ATP6V1E2: variants seen among roughly 807,000 people sequenced by gnomAD.
The protein encoded by ATP6V1E2 is ATPase H+ transporting V1 subunit E2.
For synonymous variants in ATP6V1E2, 121 were observed against 104.2 expected, an observed-to-expected ratio of 1.16 and a Z score of -0.98; for missense variants, 308 against 273.3, an observed-to-expected ratio of 1.13 and a Z score of -0.90.
chr2:46,512,704 A>G lies in ATP6V1E2; in HGVS notation c.8T>C (p.Leu3Pro), dbSNP rs757982839. 6.2e-6 allele frequency: 10 copies of G among 1,611,334 alleles called. No homozygotes were observed. In the Admixed American group the frequency reaches 1.7e-4, roughly 27 times the overall value. ...CTGCTTTTTCACATCGACATCACTC[A>G]GGGCCATGGCTGCTCTCAGAGGGGA... MA[L>P]SDVDVKKQIK... is the part of the protein sequence containing the mutation. The change falls in exon 5 of 5, where the codon CTG becomes CCG. Residue 3 changes from leucine (L) to proline (P), a missense_variant. Coordinates refer to ENST00000522587, the MANE Select transcript of ATP6V1E2 (RefSeq NM_001318063.2).
chr2:46,512,354 C>T lies in ATP6V1E2; in HGVS notation c.358G>A (p.Val120Met), dbSNP rs938047645. Reference protein sequence around the residue: ...EVYQGLLDKLVLQGLLRLLEP... With the variant: ...EVYQGLLDKLMLQGLLRLLEP... ...AGCAGTCGGAGCAGACCCTGGAGCA[C>T]CAGTTTATCCAGCAGCCCCTGGTAG... Residue 120 changes from valine to methionine, a missense_variant, in exon 5 of 5, where the codon GTG becomes ATG. Physicochemically the swap from Val to Met is conservative, Grantham distance 21 (BLOSUM62 1). Coordinates refer to ENST00000522587, the MANE Select transcript of ATP6V1E2 (RefSeq NM_001318063.2). The T allele has an allele frequency of 6.2e-7, 1 of 1,613,968 alleles. No individual in the cohort carries two copies. The highest frequency in any genetic ancestry group is 2.2e-5 in the East Asian group (1 of 44,876).
intron 4 of ATP6V1E2, among the ~76,000 whole-genome samples, chr2:46,527,323 G>A (rs1170101963): frequency 2.6e-5 from 4 of 152,118 alleles, no homozygotes; most frequent in Admixed American, 1.3e-4. Flanking sequence ...CCGGGTTCAC[G>A]CCATTCTCCT....
In ATP6V1E2 at chr2:46,512,855, A is replaced by G; in HGVS notation, c.-101-43T>C. ...AGGATGAAAGAGAAAGTCAGAGGCTATAGAGGAGGATTACAGAGACTGTAT... is the reference window on the plus strand; with the variant it reads ...AGGATGAAAGAGAAAGTCAGAGGCTGTAGAGGAGGATTACAGAGACTGTAT... On this transcript the variant is annotated intron_variant, in intron 4 of 4. Transcript: ENST00000522587. The G allele has an allele frequency of 7.1e-6, 5 of 702,488 alleles. No individual in the cohort carries two copies. In the South Asian group the frequency reaches 9.7e-5, roughly 14 times the overall value. 43.5% of individuals were successfully genotyped at this position (702,488 alleles called of 1,614,324 possible).
At position 46,512,072 on chromosome 2, in the gene ATP6V1E2, C is replaced by G; in HGVS notation, c.640G>C (p.Ala214Pro). Reference sequence around the variant, plus strand: ...CTGTTGGTGTTAGCACCAAACAAGGCCATTCGTATTTCTGGCATCTTTTGC... The same window carrying G: ...CTGTTGGTGTTAGCACCAAACAAGGGCATTCGTATTTCTGGCATCTTTTGC... Reference protein sequence around the residue: ...AKQKMPEIRMALFGANTNRKF... With the variant: ...AKQKMPEIRMPLFGANTNRKF... Residue 214 changes from alanine (A) to proline (P), a missense_variant, in exon 5 of 5, where the codon GCC becomes CCC. Coordinates refer to ENST00000522587, the MANE Select transcript of ATP6V1E2 (RefSeq NM_001318063.2). 1.9e-6 allele frequency: 3 copies of G among 1,611,960 alleles called. No homozygotes were observed. Among genetic ancestry groups the G allele is most frequent in the Non-Finnish European group, 2.5e-6 (3 of 1,178,970 alleles).
chr2:46,512,328 C>T lies in ATP6V1E2; in HGVS notation c.384G>A (p.Leu128=), dbSNP rs1379513551. ...KLVLQGLLRL[L]EPVMIVRCRP... ...GGCAGCGTACAATCATCACAGGTTC[C>T]AGCAGTCGGAGCAGACCCTGGAGCA... Residue 128 remains leucine (L), a synonymous_variant, in exon 5 of 5, where the codon CTG becomes CTA. Coordinates refer to ENST00000522587, the MANE Select transcript of ATP6V1E2 (RefSeq NM_001318063.2). 2 of 1,613,000 alleles carry T rather than the reference C, an allele frequency of 1.2e-6. No homozygotes were observed. Among genetic ancestry groups the T allele is most frequent in the African/African-American group, 2.7e-5 (2 of 74,872 alleles).
intron 4 of ATP6V1E2, among the ~76,000 whole-genome samples, chr2:46,518,490 A>ACAACACACACACACAC (rs1471974728): frequency 7.1e-6 from 1 of 140,912 alleles, no homozygotes; most frequent in Non-Finnish European, 1.5e-5. Context: ...ACACACACAC[A>ACAACACACACACACAC]ACACACACAC....
At chr2:46,514,693 T>C (rs1222139922) in intron 4 of ATP6V1E2, among the ~76,000 whole-genome samples, 1 of 152,108 alleles carries the variant, frequency 6.6e-6, no homozygotes, top group Non-Finnish European at 1.5e-5. Context: ...ATATGCATTA[T>C]GGGAGTCTCA....
In ATP6V1E2 at chr2:46,536,652, C is replaced by A. The variant is rs1572720377; in HGVS notation, c.-258G>T. 1 of 152,236 alleles carries A rather than the reference C, an allele frequency of 6.6e-6. No homozygotes were observed. The allele number at this position is 152,236 out of a possible 1,614,324, so 9.4% of individuals were successfully genotyped here. A position where few individuals can be genotyped will look rare whatever the true frequency, so the allele number is the denominator to read the frequency against. ...GATGGTTCACAGAGGGAGAAGAATA[C>A]AGGCCAAAATTAGGGATTCAGTCAG... On this transcript the variant is annotated 5_prime_UTR_variant, in exon 3 of 5. Transcript: ENST00000522587.
At chr2:46,520,270 T>C (rs1279186720) in intron 4 of ATP6V1E2, among the ~76,000 whole-genome samples, 1 of 152,254 alleles carries the variant, frequency 6.6e-6, no homozygotes. Context: ...CTAGCAGATG[T>C]AACTTCTCGT....
chr2:46,513,849 G>C (rs557837393), intron 4 of ATP6V1E2, among the ~76,000 whole-genome samples: 1 of 152,108 alleles, frequency 6.6e-6, no homozygotes, highest in African/African-American at 2.4e-5. Flanking sequence ...AACAAAACAC[G>C]TTATATTCTT....
At chr2:46,520,894 C>T (rs1301211878) in intron 4 of ATP6V1E2, among the ~76,000 whole-genome samples, 1 of 151,270 alleles carries the variant, frequency 6.6e-6, no homozygotes, top group African/African-American at 2.4e-5. Context: ...TTATGAAATA[C>T]AAAATGCAGT....
chr2:46,536,039 A>G (rs1479790908), intron 3 of ATP6V1E2, 112 bp from the exon 4 acceptor site: 1 of 152,232 alleles, frequency 6.6e-6, no homozygotes, highest in Admixed American at 6.5e-5. Context: ...AGTATTCCAT[A>G]CCAGCAACCT....
At position 46,535,033 on chromosome 2, in the gene ATP6V1E2, A is replaced by G. The variant is rs1667376143; in HGVS notation, c.-102+780T>C. 6.6e-6 allele frequency: 1 copy of G among 152,128 alleles called. No homozygotes were observed. The highest frequency in any genetic ancestry group is 1.5e-5 in the Non-Finnish European group (1 of 68,040). The allele number at this position is 152,128 out of a possible 1,614,324, so 9.4% of individuals were successfully genotyped here. ...TACTCTGCCTTGAAAAGTCTGCTCAACTATCTCCTCAACTCAGCAAGACCA... is the reference window on the plus strand; with the variant it reads ...TACTCTGCCTTGAAAAGTCTGCTCAGCTATCTCCTCAACTCAGCAAGACCA... On this transcript the variant is annotated intron_variant, in intron 4 of 4. Transcript: ENST00000522587. The surrounding 1 kb of genome is among the most constrained non-coding windows in gnomAD (Gnocchi z 4.4).
At chr2:46,518,753 C>G (rs1415688325) in intron 4 of ATP6V1E2, among the ~76,000 whole-genome samples, 1 of 127,896 alleles carries the variant, frequency 7.8e-6, no homozygotes, top group Non-Finnish European at 1.7e-5. Flanking sequence ...TAAGACAAGT[C>G]AATTTTGTGT....
intron 4 of ATP6V1E2, among the ~76,000 whole-genome samples, chr2:46,529,273 G>A (rs1667068963): frequency 6.6e-6 from 1 of 152,248 alleles, no homozygotes; most frequent in African/African-American, 2.4e-5. Context: ...CACATTTGCT[G>A]TTAGACACAG....
chr2:46,531,702 A>G (rs909761471), intron 4 of ATP6V1E2, among the ~76,000 whole-genome samples: 5 of 151,878 alleles, frequency 3.3e-5, no homozygotes, highest in Non-Finnish European at 5.9e-5. Context: ...TCCTTCCCCC[A>G]CCCCTAATTA....
chr2:46,512,193 C>T lies in ATP6V1E2; in HGVS notation c.519G>A (p.Leu173=). Residue 173 remains leucine, a synonymous_variant, in exon 5 of 5, where the codon CTG becomes CTA. Coordinates refer to ENST00000522587, the MANE Select transcript of ATP6V1E2 (RefSeq NM_001318063.2). ...VEVQIDKEAY[L]AVNAAGGVEV... ...CCACACCTCCAGCTGCATTCACAGC[C>T]AGGTATGCCTCTTTATCAATCTGGA... 2 of 1,614,178 alleles carry T rather than the reference C, an allele frequency of 1.2e-6. No individual in the cohort carries two copies. Among genetic ancestry groups the T allele is most frequent in the South Asian group, 1.1e-5 (1 of 91,074 alleles).
chr2:46,526,896 A>G (rs537529458), intron 4 of ATP6V1E2, among the ~76,000 whole-genome samples: 4 of 152,278 alleles, frequency 2.6e-5, no homozygotes, highest in Admixed American at 6.5e-5. Flanking sequence ...ATATGCCTAG[A>G]AGTAGAATTG....
intron 4 of ATP6V1E2, among the ~76,000 whole-genome samples, chr2:46,521,980 G>A (rs1301771346): frequency 6.6e-6 from 1 of 152,144 alleles, no homozygotes; most frequent in African/African-American, 2.4e-5. Context: ...GTGAGCCACT[G>A]CGCCAGGCCC....
Sources: allele counts gnomAD v4.1 joint callset (sites outside exome capture counted in the v4.1 genomes callset), GRCh38; gene constraint gnomAD v4.1.1; non-coding constraint Gnocchi (gnomAD v3.1); transcripts MANE v1.5; gene names NCBI Gene and HGNC (gene_info 2026-07-23, HGNC 2026-07-21).